Variants in SCYL3 observed in about 807,000 individuals in gnomAD.
The protein encoded by SCYL3 is SCY1 like pseudokinase 3, also known as protein-associating with the carboxyl-terminal domain of ezrin.
A neutral mutation model predicts 73.8 loss-of-function variants in SCYL3; 35 were observed. The observed-to-expected ratio is 0.47, with a 90% CI of 0.36 to 0.63. The LOEUF is 0.63. Among genes scored for constraint, SCYL3 ranks in the 20% least tolerant of loss-of-function variants. SCYL3 has a pLI of 0.00. For missense variants in SCYL3, 712 were observed against 798.9 expected (o/e 0.89, Z 1.31); for synonymous variants, 277 against 295.2 (o/e 0.94, Z 0.63).
rs146185637 is a variant in SCYL3 at position 169,868,284 on chromosome 1, A to G, written c.737+644T>C. Among the ~76,000 whole-genome samples, 499 of 152,352 alleles carry G rather than the reference A, an allele frequency of 3.3e-3. 6 individuals carry two copies. The highest frequency in any genetic ancestry group is 0.011 in the African/African-American group (459 of 41,580). On this transcript the variant is annotated intron_variant, in intron 7 of 12. Coordinates refer to ENST00000367771, the MANE Select transcript of SCYL3 (RefSeq NM_020423.7). ...ACATAGGATTTTTAGTTTTAAAACT[A>G]ACATAAGGTTGGCTTTGCTAATAGA...
At position 169,854,871 on chromosome 1, in the gene SCYL3, G is replaced by A. The variant is rs79148527; in HGVS notation, c.1406C>T (p.Ser469Phe). ...SEDSENFPSSSKKSEEWPDWS... is the reference protein window; with the variant it reads ...SEDSENFPSSFKKSEEWPDWS... ...GTCAGGCCACTCCTCAGACTTTTTA[G>A]AACTTGATGGGAAGTTTTCACTGTC... is the stretch of plus-strand genomic sequence containing the variant. The change falls in exon 12 of 13, where the codon TCT (serine) becomes TTT (phenylalanine). Residue 469 changes from serine to phenylalanine, a missense_variant. Ser to Phe is a radical substitution (Grantham distance 155). Around this residue, in one of 2 missense-constraint regions of SCYL3, gnomAD observed 370 missense variants for 350.8 expected, o/e 1.05. Coordinates refer to ENST00000367771, the MANE Select transcript of SCYL3 (RefSeq NM_020423.7). The A allele has an allele frequency of 6.2e-7, 1 of 1,613,882 alleles. No individual in the cohort carries two copies.
chr1:169,882,633 G>T (rs1661370926), intron 2 of SCYL3, among the ~76,000 whole-genome samples: 1 of 152,158 alleles, frequency 6.6e-6, no homozygotes, highest in Non-Finnish European at 1.5e-5. Flanking sequence ...AAATACACCA[G>T]TCAGCACTCT....
chr1:169,854,406 T>C lies in SCYL3; in HGVS notation c.1871A>G (p.Asp624Gly). ...AGAAGGCTTAATTTCTGGGATCATA[T>C]CAGCAAACCAATCCATCTCAGGATC... is the stretch of plus-strand genomic sequence containing the variant. Reference protein sequence around the residue: ...VKDPEMDWFADMIPEIKPSAA... With the variant: ...VKDPEMDWFAGMIPEIKPSAA... Residue 624 changes from aspartate to glycine, a missense_variant, in exon 12 of 13, where the codon GAT becomes GGT. Coordinates refer to ENST00000367771, the MANE Select transcript of SCYL3 (RefSeq NM_020423.7). 1 of 1,614,106 alleles carries C rather than the reference T, an allele frequency of 6.2e-7. No homozygotes were observed. Among genetic ancestry groups the C allele is most frequent in the Non-Finnish European group, 8.5e-7 (1 of 1,179,954 alleles).
intron 5 of SCYL3, among the ~76,000 whole-genome samples, chr1:169,873,164 T>C (rs543394233): frequency 6.6e-6 from 1 of 152,254 alleles, no homozygotes; most frequent in African/African-American, 2.4e-5. Flanking sequence ...GGGAGGTGAT[T>C]GAATTATGGA....
Position 169,874,115 on chromosome 1 carries a change from A to AAG in SCYL3, c.466-364_466-363insCT, listed in dbSNP as rs567817350. On this transcript the variant is annotated intron_variant, in intron 4 of 12. Coordinates refer to ENST00000367771, the MANE Select transcript of SCYL3 (RefSeq NM_020423.7). ...CAATAAGAAGGCTTTTCTAGCACAG[A>AAG]ACAAATCTGTCATTAATCTCACTAA... 1.4e-4 allele frequency among the ~76,000 whole-genome samples: 21 copies of AAG among 152,304 alleles called. No individual in the cohort carries two copies. In the East Asian group the frequency reaches 4.0e-3, roughly 29 times the overall value.
chr1:169,850,524 G>A lies in SCYL3; in HGVS notation c.*3189C>T, dbSNP rs1302895514. The A allele has an allele frequency of 4.0e-5, 21 of 523,476 alleles. No individual in the cohort carries two copies. The highest frequency in any genetic ancestry group is 1.3e-4 in the East Asian group (4 of 31,790). 32.4% of individuals were successfully genotyped at this position (523,476 alleles called of 1,614,324 possible). ...AGAAGTAAAACACTTGGGGCCAGGC[G>A]CGGCGGCTCATGCCTGTAATCCCAG... On this transcript the variant is annotated 3_prime_UTR_variant, in exon 13 of 13. Transcript: ENST00000367771.
chr1:169,864,390 A>G lies in SCYL3; in HGVS notation c.934T>C (p.Tyr312His). 1 of 1,614,206 alleles carries G rather than the reference A, an allele frequency of 6.2e-7. No homozygotes were observed. The highest frequency in any genetic ancestry group is 8.5e-7 in the Non-Finnish European group (1 of 1,180,026). The change falls in exon 9 of 13, where the codon TAT becomes CAT. Residue 312 changes from tyrosine to histidine, a missense_variant. By Grantham distance (83) the Tyr-to-His change is moderately conservative (BLOSUM62 2). Transcript: ENST00000367771. ...TCACCTTTTTTGGGGCCAAGCAGATAAGGAAGAAAACTCTTAACAGCCACT... is the reference window on the plus strand; with the variant it reads ...TCACCTTTTTTGGGGCCAAGCAGATGAGGAAGAAAACTCTTAACAGCCACT... ...EPVAVKSFLPYLLGPKKDHAQ... is the reference protein window; with the variant it reads ...EPVAVKSFLPHLLGPKKDHAQ...
chr1:169,886,777 A>G (rs1661713882), intron 2 of SCYL3, among the ~76,000 whole-genome samples: 1 of 152,236 alleles, frequency 6.6e-6, no homozygotes, highest in South Asian at 2.1e-4. Context: ...GTCAGATAGA[A>G]CTAAGTATTT....
Position 169,851,045 on chromosome 1 carries a change from CTTTTTTTTTTTTTTTTTTTT to C in SCYL3, c.*2648_*2667del. ...CCCAAGCCAGGGTAAGCTCAGGGCC[CTTTTTTTTTTTTTTTTTTTT>C]TTTTTTTTGGCATGGCTTTTTTATT... On this transcript the variant is annotated 3_prime_UTR_variant, in exon 13 of 13. Transcript: ENST00000367771. The C allele has an allele frequency of 5.8e-5, 1 of 17,312 alleles. No individual in the cohort carries two copies. The highest frequency in any genetic ancestry group is 2.2e-3 in the East Asian group (1 of 448). The allele number at this position is 17,312 out of a possible 1,614,324, so 1.1% of individuals were successfully genotyped here.
rs772742115 is a variant in SCYL3, at chr1:169,854,534, G to A, written c.1743C>T (p.Ile581=). ...CTTGTGATGACACTTTTGGCGGCTC[G>A]ATTTGGTCTGCGTCATCCCCCCTTT... ...LVQRGDDADQ[I]EPPKVSSQER... Residue 581 remains isoleucine (I), a synonymous_variant, in exon 12 of 13, where the codon ATC becomes ATT. Coordinates refer to ENST00000367771, the MANE Select transcript of SCYL3 (RefSeq NM_020423.7). 6.8e-6 allele frequency: 11 copies of A among 1,613,802 alleles called. No homozygotes were observed. The highest frequency in any genetic ancestry group is 1.6e-4 in the Middle Eastern group (1 of 6,080).
chr1:169,878,592 T>A (rs778399197), intron 3 of SCYL3, 42 bp downstream of exon 3: 7 of 1,493,970 alleles, frequency 4.7e-6, no homozygotes, highest in Non-Finnish European at 6.4e-6. Context: ...CCCACCCCCA[T>A]CTACATCAAA....
At position 169,862,655 on chromosome 1, in the gene SCYL3, C is replaced by T. The variant is rs372035351; in HGVS notation, c.1098G>A (p.Glu366=). The T allele has an allele frequency of 1.9e-6, 3 of 1,614,044 alleles. No individual in the cohort carries two copies. Among genetic ancestry groups the T allele is most frequent in the Non-Finnish European group, 2.5e-6 (3 of 1,180,034 alleles). The change falls in exon 10 of 13, where the codon GAG becomes GAA. Residue 366 remains glutamate, a synonymous_variant. Transcript: ENST00000367771. ...VLLSHIEAYV[E]HFTQEQLKKV... is the part of the protein sequence containing the mutation. ...TCTTCAGCTGCTCCTGAGTGAAGTG[C>T]TCCACGTAGGCCTCGATGTGAGACA...
At chr1:169,866,832 C>G in intron 8 of SCYL3, 64 bp downstream of exon 8, 1 of 903,930 alleles carries the variant, frequency 1.1e-6, no homozygotes, top group Non-Finnish European at 1.8e-6. Context: ...TCTAGAATAC[C>G]TAAAGTGATT....
chr1:169,867,070 A>G (rs1345498176), intron 7 of SCYL3, 97 bp from the exon 8 acceptor site: 1 of 672,522 alleles, frequency 1.5e-6, no homozygotes, highest in Admixed American at 3.2e-5. Flanking sequence ...ATTTTCAACC[A>G]AGAAACATTC....
rs1658261977 is a variant in SCYL3 at position 169,851,141 on chromosome 1, A to G, written c.*2572T>C. 6.9e-6 allele frequency: 1 copy of G among 144,158 alleles called. No individual in the cohort carries two copies. The highest frequency in any genetic ancestry group is 7.4e-5 in the Admixed American group (1 of 13,498). 8.9% of individuals were successfully genotyped at this position (144,158 alleles called of 1,614,324 possible). A position where few individuals can be genotyped will look rare whatever the true frequency, so the allele number is the denominator to read the frequency against. On this transcript the variant is annotated 3_prime_UTR_variant, in exon 13 of 13. Coordinates refer to ENST00000367771, the MANE Select transcript of SCYL3 (RefSeq NM_020423.7). ...ACAATTAAAACCAAAATTTTGAATCACAAGGTTCCTATGTCTATGCATACT... is the reference window on the plus strand; with the variant it reads ...ACAATTAAAACCAAAATTTTGAATCGCAAGGTTCCTATGTCTATGCATACT...
At chr1:169,879,818 AAAAT>A (rs1661119392) in intron 2 of SCYL3, among the ~76,000 whole-genome samples, 1 of 152,222 alleles carries the variant, frequency 6.6e-6, no homozygotes, top group Admixed American at 6.5e-5. Context: ...GAAAAGTTAT[AAAAT>A]AAATAGAAAA....
chr1:169,869,006 G>T lies in SCYL3; in HGVS notation c.659C>A (p.Thr220Asn). The T allele has an allele frequency of 6.2e-7, 1 of 1,614,124 alleles. No individual in the cohort carries two copies. The highest frequency in any genetic ancestry group is 8.5e-7 in the Non-Finnish European group (1 of 1,179,994). The change falls in exon 7 of 13, where the codon ACC (threonine) becomes AAC (asparagine). Residue 220 changes from threonine (T) to asparagine (N), a missense_variant. By Grantham distance (65) the Thr-to-Asn change is moderately conservative. Transcript: ENST00000367771. ...GGGATTCAGCAAAGTTGAGTGCAAG[G>T]TCTGTTGAAAGCTGGAGAGAACATC... is the stretch of plus-strand genomic sequence containing the variant. ...SADVLSSFQQ[T>N]LHSTLLNPIP... is the part of the protein sequence containing the mutation.
Position 169,854,847 on chromosome 1 carries a change from T to G in SCYL3, c.1430A>C (p.Asp477Ala). 1 of 1,614,058 alleles carries G rather than the reference T, an allele frequency of 6.2e-7. No homozygotes were observed. Among genetic ancestry groups the G allele is most frequent in the Non-Finnish European group, 8.5e-7 (1 of 1,179,928 alleles). ...TTCAGGCTCCTCAGGTTCACTCCAG[T>G]CAGGCCACTCCTCAGACTTTTTAGA... ...SSSKKSEEWP[D>A]WSEPEEPENQ... Residue 477 changes from aspartate to alanine, a missense_variant, in exon 12 of 13, where the codon GAC becomes GCC. By Grantham distance (126) the Asp-to-Ala change is moderately radical (BLOSUM62 -2). Around this residue, in one of 2 missense-constraint regions of SCYL3, gnomAD observed 370 missense variants for 350.8 expected, o/e 1.05. Transcript: ENST00000367771.
In SCYL3 at chr1:169,853,671, AAAAG is replaced by A; in HGVS notation, c.*38_*41del. 3 of 1,603,490 alleles carry A rather than the reference AAAAG, an allele frequency of 1.9e-6. No individual in the cohort carries two copies. In the South Asian group the frequency reaches 3.3e-5, roughly 18 times the overall value. On this transcript the variant is annotated 3_prime_UTR_variant, in exon 13 of 13. Transcript: ENST00000367771. ...TTTTGAGGTATTGATTTTTTTTAAA[AAAAG>A]GGAATCCTTTTTCCTAAAGTTTAAC...
Sources: gnomAD v4.1 joint callset for allele counts (sites outside exome capture counted in the v4.1 genomes callset) on GRCh38, gnomAD v4.1.1 for gene constraint, gnomAD v4.1.1 regional missense constraint, MANE v1.5 for transcripts, NCBI Gene and HGNC (gene_info 2026-07-23, HGNC 2026-07-21) for gene names.